GPC5: variants seen among roughly 807,000 people sequenced by gnomAD.
GPC5 encodes glypican-5.
GPC5 carries 47 observed loss-of-function variants against 53.9 expected under a neutral mutation model. The ratio of observed to expected loss-of-function variants is 0.87; its 90% CI spans 0.69 to 1.11. GPC5 has a LOEUF of 1.11. Ranked by LOEUF, GPC5 falls within the 50% of genes most tolerant of loss-of-function variation. The pLI is 0.00. For missense variants in GPC5, 748 were observed against 713.1 expected (o/e 1.05, Z -0.56); for synonymous variants, 286 against 263.3 (o/e 1.09, Z -0.84).
chr13:91,442,897 C>G (rs1010234643), intron 1 of GPC5, among the ~76,000 whole-genome samples: 3 of 152,094 alleles, frequency 2.0e-5, no homozygotes, highest in Non-Finnish European at 4.4e-5. Flanking sequence ...GAGGCTTCTC[C>G]CATCTGCTGT....
At chr13:91,416,949 A>T (rs1191090736) in intron 1 of GPC5, among the ~76,000 whole-genome samples, 1 of 152,196 alleles carries the variant, frequency 6.6e-6, no homozygotes, top group East Asian at 1.9e-4. Flanking sequence ...ATGTTTTTTG[A>T]CTTAGCCCGC....
At chr13:92,644,224 C>T (rs1219146136) in intron 7 of GPC5, among the ~76,000 whole-genome samples, 1 of 152,078 alleles carries the variant, frequency 6.6e-6, no homozygotes, top group Non-Finnish European at 1.5e-5. Flanking sequence ...AGGCACATTA[C>T]CTAACAGGCT....
intron 7 of GPC5, among the ~76,000 whole-genome samples, chr13:92,684,455 G>A (rs1319333467): frequency 2.6e-5 from 4 of 151,816 alleles, no homozygotes; most frequent in Non-Finnish European, 5.9e-5. Context: ...ATTTTTAGTA[G>A]AGACAGGATT....
intron 3 of GPC5, among the ~76,000 whole-genome samples, chr13:91,710,576 C>T (rs1342048190): frequency 6.6e-6 from 1 of 152,022 alleles, no homozygotes; most frequent in Non-Finnish European, 1.5e-5. Context: ...GGGAGTGTTC[C>T]CATGCTACAT....
At chr13:91,719,670 A>G (rs1316648786) in intron 3 of GPC5, among the ~76,000 whole-genome samples, 1 of 152,248 alleles carries the variant, frequency 6.6e-6, no homozygotes, top group Non-Finnish European at 1.5e-5. Context: ...TAAAATTGTC[A>G]TGTAAAAATT....
chr13:91,967,032 T>C (rs905173140), intron 6 of GPC5, among the ~76,000 whole-genome samples: 1 of 152,206 alleles, frequency 6.6e-6, no homozygotes, highest in African/African-American at 2.4e-5. Flanking sequence ...TACCTGAGAC[T>C]GAGTAATTTA....
intron 6 of GPC5, among the ~76,000 whole-genome samples, chr13:92,071,047 C>T (rs1431570544): frequency 6.6e-6 from 1 of 152,016 alleles, no homozygotes. Context: ...ACCATCCTGG[C>T]CAACATGGTT....
chr13:91,708,380 C>T (rs1229255530), intron 3 of GPC5, among the ~76,000 whole-genome samples: 1 of 151,050 alleles, frequency 6.6e-6, no homozygotes, highest in Admixed American at 6.6e-5. Flanking sequence ...CTAATGGCCT[C>T]CTAATTAATT....
At chr13:92,569,410 G>T (rs1420538323) in intron 7 of GPC5, among the ~76,000 whole-genome samples, 2 of 151,900 alleles carry the variant, frequency 1.3e-5, no homozygotes, top group Non-Finnish European at 2.9e-5. Flanking sequence ...CCCTTGTGTT[G>T]TATGTTACAT....
intron 7 of GPC5, among the ~76,000 whole-genome samples, chr13:92,513,941 G>A (rs1469023254): frequency 6.6e-6 from 1 of 152,158 alleles, no homozygotes; most frequent in Admixed American, 6.5e-5. Flanking sequence ...TTCAGATTTT[G>A]AGCATTTTGA....
At chr13:92,517,509 A>G (rs1257572884) in intron 7 of GPC5, among the ~76,000 whole-genome samples, 1 of 152,198 alleles carries the variant, frequency 6.6e-6, no homozygotes, top group Non-Finnish European at 1.5e-5. Flanking sequence ...ACGATCACGC[A>G]GCAACATTTG....
chr13:91,628,309 G>A (rs1349791732), intron 2 of GPC5, among the ~76,000 whole-genome samples: 2 of 151,768 alleles, frequency 1.3e-5, no homozygotes, highest in East Asian at 3.9e-4. Context: ...TACTATTACT[G>A]CTTTACTGCT....
chr13:91,926,467 A>G (rs577171440), intron 6 of GPC5, among the ~76,000 whole-genome samples: 1 of 152,088 alleles, frequency 6.6e-6, no homozygotes, highest in Admixed American at 6.5e-5. Flanking sequence ...GATCTAGGCT[A>G]GGCTTGACTA....
At chr13:92,004,676 G>T (rs2040590792) in intron 6 of GPC5, among the ~76,000 whole-genome samples, 3 of 151,570 alleles carry the variant, frequency 2.0e-5, no homozygotes, top group Non-Finnish European at 2.9e-5. Context: ...TAAAGAAAAA[G>T]AGGTTTAATG....
intron 7 of GPC5, among the ~76,000 whole-genome samples, chr13:92,266,158 C>A (rs2042801161): frequency 6.6e-6 from 1 of 152,156 alleles, no homozygotes; most frequent in Non-Finnish European, 1.5e-5. Flanking sequence ...TTAGGGGACG[C>A]ATTTAAAGCA....
rs187888026 is a variant in GPC5 at position 92,432,573 on chromosome 13, C to A, written c.1561+287584C>A. ...TTTTTTTTAAATAGAGACGTGATTT[C>A]GCTGTGTTAGCCAGGATGGTCTTGA... On this transcript the variant is annotated intron_variant, in intron 7 of 7. Transcript: ENST00000377067. 2.0e-5 allele frequency among the ~76,000 whole-genome samples: 3 copies of A among 150,660 alleles called. No individual in the cohort carries two copies. In the Admixed American group the frequency reaches 2.0e-4, roughly 10 times the overall value.
At chr13:92,606,438 T>C (rs929224922) in intron 7 of GPC5, among the ~76,000 whole-genome samples, 2 of 152,224 alleles carry the variant, frequency 1.3e-5, no homozygotes, top group African/African-American at 2.4e-5. Flanking sequence ...TATGGCTGCA[T>C]AGTGTTCCAT....
At chr13:92,703,067 T>TTTAC (rs1887812357) in intron 7 of GPC5, among the ~76,000 whole-genome samples, 1 of 150,476 alleles carries the variant, frequency 6.6e-6, no homozygotes, top group Non-Finnish European at 1.5e-5. Context: ...TATTTATTTA[T>TTTAC]TTATTTATTT....
intron 7 of GPC5, among the ~76,000 whole-genome samples, chr13:92,767,792 T>C (rs1302101300): frequency 6.6e-6 from 1 of 152,184 alleles, no homozygotes; most frequent in African/African-American, 2.4e-5. Flanking sequence ...TGTCTATACC[T>C]GAGTGGAACT....
Sources: gnomAD v4.1 joint callset for allele counts (sites outside exome capture counted in the v4.1 genomes callset) on GRCh38, gnomAD v4.1.1 for gene constraint, MANE v1.5 for transcripts, NCBI Gene and HGNC (gene_info 2026-07-23, HGNC 2026-07-21) for gene names.